TEK: variants seen among roughly 807,000 people sequenced by gnomAD.
TEK encodes TEK receptor tyrosine kinase.
In TEK, 43 loss-of-function variants were observed where a neutral mutation model predicts 131.8. The observed-to-expected ratio is 0.33, with a 90% CI of 0.26 to 0.42. The LOEUF (loss-of-function observed/expected upper bound fraction) is 0.42. Ranked by LOEUF, TEK falls within the 10% of genes least tolerant of loss-of-function variation. The pLI, the probability that TEK is intolerant of heterozygous loss-of-function variation, is 1.00. For synonymous variants in TEK, 580 were observed against 491.6 expected (o/e 1.18, Z -2.38); for missense variants, 1,162 against 1,384.4 (o/e 0.84, Z 2.55).
At chr9:27,164,494 T>C (rs1354455626) in intron 2 of TEK, among the ~76,000 whole-genome samples, 1 of 152,048 alleles carries the variant, frequency 6.6e-6, no homozygotes, top group African/African-American at 2.4e-5. Flanking sequence ...TAATTTTTTG[T>C]ATTTTTAGTA....
intron 1 of TEK, among the ~76,000 whole-genome samples, chr9:27,148,842 T>TA (rs1385736943): frequency 1.3e-5 from 2 of 152,250 alleles, no homozygotes; most frequent in Non-Finnish European, 2.9e-5. Flanking sequence ...ACATGTAACA[T>TA]ACGTTTTACA....
intron 12 of TEK, 65 bp from the exon 13 acceptor site, chr9:27,202,755 A>G: frequency 1.3e-6 from 2 of 1,540,902 alleles, no homozygotes; most frequent in Non-Finnish European, 9.0e-7. Context: ...CTCTATCTCA[A>G]AAGCATAATG....
chr9:27,196,785 T>A (rs1278517305), intron 11 of TEK, among the ~76,000 whole-genome samples: 1 of 141,628 alleles, frequency 7.1e-6, no homozygotes, highest in Non-Finnish European at 1.5e-5. Flanking sequence ...TTTTTTTTTT[T>A]ACTGTTTCAT....
intron 1 of TEK, among the ~76,000 whole-genome samples, chr9:27,111,924 A>G (rs1393167012): frequency 7.7e-5 from 10 of 129,514 alleles, no homozygotes; most frequent in African/African-American, 2.7e-4. Context: ...TTTGAGATGG[A>G]GTCTCGCTCT....
chr9:27,197,449 G>T lies in TEK; in HGVS notation c.1759G>T (p.Asp587Tyr). Residue 587 changes from aspartate (D) to tyrosine (Y), a missense_variant, in exon 12 of 23, where the codon GAT becomes TAT. Coordinates refer to ENST00000380036, the MANE Select transcript of TEK (RefSeq NM_000459.5). The part of the protein sequence containing the change: ...EVERRSVQKS[D>Y]QQNIKVPGNL... ...GGAGAGAAGGTCTGTGCAAAAAAGT[G>T]ATCAGCAGAATATTAAAGTTCCAGG... 6.2e-7 allele frequency: 1 copy of T among 1,614,048 alleles called. No individual in the cohort carries two copies. Among genetic ancestry groups the T allele is most frequent in the South Asian group, 1.1e-5 (1 of 91,070 alleles).
intron 10 of TEK, 59 bp from the exon 11 acceptor site, chr9:27,192,430 C>T (rs375825155): frequency 3.3e-5 from 53 of 1,605,752 alleles, no homozygotes; most frequent in South Asian, 2.2e-4. Context: ...ACAACAACCC[C>T]GGCTTAAGGA....
intron 10 of TEK, among the ~76,000 whole-genome samples, chr9:27,191,137 C>T (rs1034827942): frequency 2.0e-5 from 3 of 152,012 alleles, no homozygotes; most frequent in Non-Finnish European, 4.4e-5. Flanking sequence ...TTTCTCATTT[C>T]ATGTCTTGCC....
intron 19 of TEK, among the ~76,000 whole-genome samples, chr9:27,218,039 G>A (rs1825884858): frequency 6.6e-6 from 1 of 151,004 alleles, no homozygotes; most frequent in African/African-American, 2.4e-5. Context: ...AGGAAGAAGG[G>A]ACATACCGGC....
intron 2 of TEK, among the ~76,000 whole-genome samples, chr9:27,165,077 G>A (rs1010493698): frequency 1.3e-5 from 2 of 152,114 alleles, no homozygotes; most frequent in African/African-American, 4.8e-5. Context: ...GGTAAACTCT[G>A]GACAGCAGTG....
chr9:27,221,566 C>G (rs1826082707), intron 21 of TEK, among the ~76,000 whole-genome samples: 1 of 152,056 alleles, frequency 6.6e-6, no homozygotes, highest in Admixed American at 6.6e-5. Context: ...CTGGGATGAA[C>G]CCAGGCAGCA....
At chr9:27,189,861 T>G (rs568347623) in intron 9 of TEK, among the ~76,000 whole-genome samples, 402 of 151,964 alleles carry the variant, frequency 2.6e-3, no homozygotes, top group African/African-American at 9.0e-3. Context: ...AAGAGAGAGA[T>G]ATATATATAT....
intron 1 of TEK, among the ~76,000 whole-genome samples, chr9:27,123,428 T>TAA (rs1311635809): frequency 6.6e-6 from 1 of 152,186 alleles, no homozygotes; most frequent in Non-Finnish European, 1.5e-5. Flanking sequence ...TGTGGTCCCT[T>TAA]AAATCACCTG....
intron 12 of TEK, among the ~76,000 whole-genome samples, chr9:27,199,894 G>A (rs150810330): frequency 4.6e-5 from 7 of 152,244 alleles, no homozygotes; most frequent in African/African-American, 1.4e-4. Context: ...GTATTTGCCT[G>A]TGTGATTTAT....
intron 9 of TEK, among the ~76,000 whole-genome samples, chr9:27,187,555 A>G (rs1285631494): frequency 6.6e-6 from 1 of 152,236 alleles, no homozygotes; most frequent in Non-Finnish European, 1.5e-5. Context: ...TCAAATGTCC[A>G]TCAACATTAG....
rs767936683 is a variant in TEK, at chr9:27,213,570, T to C, written c.2964T>C (p.Gly988=). The change falls in exon 18 of 23, where the codon GGT becomes GGC. Residue 988 remains glycine (G), a synonymous_variant. Coordinates refer to ENST00000380036, the MANE Select transcript of TEK (RefSeq NM_000459.5). ...AKIADFGLSR[G]QEVYVKKTMG... is the part of the protein sequence containing the mutation. Reference sequence around the variant, plus strand: ...TAGCAGATTTTGGATTGTCCCGAGGTCAAGAGGTGTATGTGAAAAAGACAA... The same window carrying C: ...TAGCAGATTTTGGATTGTCCCGAGGCCAAGAGGTGTATGTGAAAAAGACAA... 5 of 1,613,676 alleles carry C rather than the reference T, an allele frequency of 3.1e-6. 1 individual carries two copies. The highest frequency in any genetic ancestry group is 1.7e-6 in the Non-Finnish European group (2 of 1,179,790).
intron 1 of TEK, among the ~76,000 whole-genome samples, chr9:27,128,352 C>T (rs1822072841): frequency 6.6e-6 from 1 of 152,132 alleles, no homozygotes; most frequent in Non-Finnish European, 1.5e-5. Context: ...CTTTTGGTAG[C>T]AGTACCATGC....
intron 2 of TEK, among the ~76,000 whole-genome samples, chr9:27,162,778 C>T (rs1054572374): frequency 6.6e-6 from 1 of 151,818 alleles, no homozygotes; most frequent in Non-Finnish European, 1.5e-5. Context: ...TGCAGTGGCG[C>T]GATCTCGGCT....
chr9:27,116,677 T>C (rs1056741533), intron 1 of TEK, among the ~76,000 whole-genome samples: 2 of 152,104 alleles, frequency 1.3e-5, no homozygotes, highest in African/African-American at 4.8e-5. Flanking sequence ...ATCTTTGGTA[T>C]ATGGTAAGTG....
chr9:27,134,523 A>G (rs564543593), intron 1 of TEK, among the ~76,000 whole-genome samples: 1 of 152,348 alleles, frequency 6.6e-6, no homozygotes, highest in African/African-American at 2.4e-5. Flanking sequence ...CCTAGTTTCT[A>G]TCTCTTTTAT....
Sources: gnomAD v4.1 joint callset for allele counts (sites outside exome capture counted in the v4.1 genomes callset) on GRCh38, gnomAD v4.1.1 for gene constraint, MANE v1.5 for transcripts, NCBI Gene and HGNC (gene_info 2026-07-23, HGNC 2026-07-21) for gene names.